PSMD14: variants seen among roughly 807,000 people sequenced by gnomAD.
PSMD14 encodes proteasome 26S subunit, non-ATPase 14, also known as ubiquitin C-terminal hydrolase PSMD14.
Under a neutral mutation model 41.2 loss-of-function variants are expected in PSMD14, and 7 were observed. That is an observed-to-expected ratio of 0.17 (90% CI 0.10 to 0.32). The LOEUF (loss-of-function observed/expected upper bound fraction) is 0.32. PSMD14 is among the 10% of genes least tolerant of loss of function. PSMD14 has a pLI of 1.00. For synonymous variants in PSMD14, 114 were observed against 122.3 expected, an observed-to-expected ratio of 0.93 and a Z score of 0.45; for missense variants, 139 against 375.6, an observed-to-expected ratio of 0.37 and a Z score of 5.21.
intron 3 of PSMD14, among the ~76,000 whole-genome samples, chr2:161,339,496 A>T (rs866272876): frequency 3.8e-5 from 4 of 105,584 alleles, no homozygotes; most frequent in African/African-American, 1.0e-4. Flanking sequence ...TTGTTAATGA[A>T]TTTTTTTTTT....
chr2:161,391,098 A>G lies in PSMD14; in HGVS notation c.571-6A>G. The G allele has an allele frequency of 2.0e-6, 3 of 1,498,994 alleles. No homozygotes were observed. Among genetic ancestry groups the G allele is most frequent in the Non-Finnish European group, 2.7e-6 (3 of 1,122,764 alleles). The allele number at this position is 1,498,994 out of a possible 1,614,324, so 92.9% of individuals were successfully genotyped here. ...TTGTCCTTTTTAAAATCATTTATCT[A>G]TATAGGCATTAATTCATGGACTAAA... is the stretch of plus-strand genomic sequence containing the variant. On this transcript the variant is annotated splice_region_variant and splice_polypyrimidine_tract_variant and intron_variant, in intron 8 of 11. Transcript: ENST00000409682.
At chr2:161,380,254 A>T (rs967908232) in intron 7 of PSMD14, among the ~76,000 whole-genome samples, 4 of 152,008 alleles carry the variant, frequency 2.6e-5, no homozygotes, top group Non-Finnish European at 4.4e-5. Context: ...GAGTGCCTCA[A>T]GCATTTAAAC....
At chr2:161,327,612 C>T (rs1682718207) in intron 3 of PSMD14, among the ~76,000 whole-genome samples, 1 of 151,940 alleles carries the variant, frequency 6.6e-6, no homozygotes, top group East Asian at 1.9e-4. Context: ...AATTTGACTA[C>T]CTCAAGACAA....
chr2:161,361,104 A>G (rs1683283231), intron 3 of PSMD14, among the ~76,000 whole-genome samples: 2 of 152,212 alleles, frequency 1.3e-5, no homozygotes, highest in Admixed American at 1.3e-4. Flanking sequence ...GCATTCACCA[A>G]TATTTTTGGC....
At chr2:161,348,161 A>G (rs1266668162) in intron 3 of PSMD14, among the ~76,000 whole-genome samples, 1 of 152,160 alleles carries the variant, frequency 6.6e-6, no homozygotes, top group Non-Finnish European at 1.5e-5. Context: ...CAACCCAGCA[A>G]ATCTTCTCCT....
intron 3 of PSMD14, among the ~76,000 whole-genome samples, chr2:161,346,379 T>C (rs893508386): frequency 2.0e-5 from 3 of 152,034 alleles, no homozygotes; most frequent in African/African-American, 7.2e-5. Flanking sequence ...TGGGTCATTT[T>C]TATGTTTTCC....
At chr2:161,399,591 C>G (rs1017452396) in intron 10 of PSMD14, among the ~76,000 whole-genome samples, 1 of 151,804 alleles carries the variant, frequency 6.6e-6, no homozygotes. Context: ...TAGTCTTTGC[C>G]TATAAAATAT....
chr2:161,322,685 C>T (rs550794551), intron 3 of PSMD14, among the ~76,000 whole-genome samples: 11 of 151,972 alleles, frequency 7.2e-5, no homozygotes, highest in Admixed American at 4.6e-4. Flanking sequence ...CCATTGCGCC[C>T]GGCCTGGTCA....
intron 3 of PSMD14, among the ~76,000 whole-genome samples, chr2:161,331,524 C>T (rs948903473): frequency 8.5e-5 from 13 of 152,150 alleles, no homozygotes. Context: ...TACCAAAGTG[C>T]TGGGATTACA....
intron 3 of PSMD14, chr2:161,340,867 C>A: frequency 6.2e-7 from 1 of 1,613,928 alleles, no homozygotes; most frequent in Non-Finnish European, 8.5e-7. Context: ...ATCATCTTCT[C>A]GTACTGGTTT....
rs1683377847 is a variant in PSMD14, at chr2:161,367,682, G to GC, written c.121-102_121-101insC. The GC allele has an allele frequency of 3.9e-5, 57 of 1,465,342 alleles. No individual in the cohort carries two copies. In the South Asian group the frequency reaches 7.4e-4, roughly 19 times the overall value. 90.8% of individuals were successfully genotyped at this position (1,465,342 alleles called of 1,614,324 possible). ...TGTTTTAGGTACATTTATAAAAGGA[G>GC]TTTTTATTTTCACTGGAACAAAATT... is the stretch of plus-strand genomic sequence containing the variant. On this transcript the variant is annotated intron_variant, in intron 4 of 11. Transcript: ENST00000409682.
intron 10 of PSMD14, among the ~76,000 whole-genome samples, chr2:161,400,943 A>G (rs1683870133): frequency 6.6e-6 from 1 of 152,218 alleles, no homozygotes; most frequent in Admixed American, 6.5e-5. Context: ...TAAAACATAC[A>G]CTAATCTACT....
At chr2:161,327,980 G>GTGTGTGTGTGTGTT (rs1193776176) in intron 3 of PSMD14, among the ~76,000 whole-genome samples, 2 of 149,004 alleles carry the variant, frequency 1.3e-5, no homozygotes, top group Non-Finnish European at 3.0e-5. Context: ...GTGTGTGTGT[G>GTGTGTGTGTGTGTT]TGTGAGATGT....
chr2:161,357,076 C>CTTTTTTTT lies in PSMD14; in HGVS notation c.49-10397_49-10390dup, dbSNP rs71281822. On this transcript the variant is annotated intron_variant, in intron 3 of 11. Coordinates refer to ENST00000409682, the MANE Select transcript of PSMD14 (RefSeq NM_005805.6). ...TTTATGCTGTTATAATGGCAAATGC[C>CTTTTTTTT]TTTTTTTTTTTTAGCACTTAGTCAA... Among the ~76,000 whole-genome samples the CTTTTTTTT allele has an allele frequency of 7.2e-5, 9 of 124,186 alleles. 1 individual carries two copies. Among genetic ancestry groups the CTTTTTTTT allele is most frequent in the South Asian group, 5.4e-4 (2 of 3,720 alleles). 81.5% of individuals were successfully genotyped at this position (124,186 alleles called of 152,430 possible). A position where few individuals can be genotyped will look rare whatever the true frequency, so the allele number is the denominator to read the frequency against.
chr2:161,376,862 G>A (rs1052181133), intron 7 of PSMD14, among the ~76,000 whole-genome samples: 7 of 151,896 alleles, frequency 4.6e-5, no homozygotes, highest in African/African-American at 7.2e-5. Flanking sequence ...AAATAAAATC[G>A]AGGAATGAAT....
At chr2:161,374,853 G>A (rs902876543) in intron 7 of PSMD14, among the ~76,000 whole-genome samples, 6 of 151,930 alleles carry the variant, frequency 3.9e-5, no homozygotes, top group African/African-American at 7.2e-5. Flanking sequence ...TTAGGATATT[G>A]TAATATATTT....
At chr2:161,310,642 G>A (rs1233101026) in intron 1 of PSMD14, among the ~76,000 whole-genome samples, 1 of 152,130 alleles carries the variant, frequency 6.6e-6, no homozygotes, top group African/African-American at 2.4e-5. Context: ...TGAGTACCTT[G>A]GATGTTCCAG....
chr2:161,381,250 A>G (rs962197204), intron 7 of PSMD14: 1 of 149,582 alleles, frequency 6.7e-6, no homozygotes, highest in Non-Finnish European at 1.5e-5. Context: ...ATAGGTATAC[A>G]TATATAATAC....
intron 10 of PSMD14, among the ~76,000 whole-genome samples, chr2:161,397,220 G>A (rs1306545691): frequency 6.6e-6 from 1 of 152,180 alleles, no homozygotes; most frequent in Non-Finnish European, 1.5e-5. Context: ...CACTGTAAGA[G>A]AAGATTTGAA....
Sources: allele counts gnomAD v4.1 joint callset (sites outside exome capture counted in the v4.1 genomes callset), GRCh38; gene constraint gnomAD v4.1.1; transcripts MANE v1.5; gene names NCBI Gene and HGNC (gene_info 2026-07-23, HGNC 2026-07-21).